The following NLK variants were observed in gnomAD, a reference collection of about 807,000 sequenced individuals.
NLK encodes nemo like kinase, also known as serine/threonine-protein kinase NLK.
In NLK, 11 loss-of-function variants were observed where a neutral mutation model predicts 59.0. That is an observed-to-expected ratio of 0.19 (90% CI 0.12 to 0.31). The LOEUF is 0.31. Ranked by LOEUF, NLK falls within the 10% of genes least tolerant of loss-of-function variation. NLK has a pLI of 1.00. For missense variants in NLK, 410 were observed against 661.1 expected, an observed-to-expected ratio of 0.62 and a Z score of 4.16; for synonymous variants, 235 against 235.9, an observed-to-expected ratio of 1.00 and a Z score of 0.03.
At chr17:28,046,342 A>T (rs1221151770) in intron 1 of NLK, among the ~76,000 whole-genome samples, 1 of 152,200 alleles carries the variant, frequency 6.6e-6, no homozygotes, top group East Asian at 1.9e-4. Context: ...AGTTCAATTA[A>T]GGTTTCATTA....
At chr17:28,141,156 A>C (rs1055588694) in intron 3 of NLK, among the ~76,000 whole-genome samples, 6 of 152,206 alleles carry the variant, frequency 3.9e-5, no homozygotes, top group African/African-American at 1.2e-4. Context: ...TCATCTATCT[A>C]GACAGAGGAG....
intron 3 of NLK, among the ~76,000 whole-genome samples, chr17:28,144,826 G>A (rs1193514890): frequency 6.6e-6 from 1 of 152,154 alleles, no homozygotes; most frequent in African/African-American, 2.4e-5. Context: ...TGCCATAATT[G>A]GAGGATATGG....
intron 7 of NLK, among the ~76,000 whole-genome samples, chr17:28,175,075 CA>C (rs1908620009): frequency 1.3e-5 from 2 of 150,628 alleles, no homozygotes; most frequent in African/African-American, 4.9e-5. Flanking sequence ...GACTTTTCTG[CA>C]AAATGTATAG....
At chr17:28,168,197 G>A (rs1018578590) in intron 5 of NLK, among the ~76,000 whole-genome samples, 5 of 151,422 alleles carry the variant, frequency 3.3e-5, no homozygotes, top group South Asian at 2.1e-4. Flanking sequence ...TTAGCCAGGC[G>A]TGGTGGTAGG....
At chr17:28,124,689 T>C (rs79133448) in intron 2 of NLK, among the ~76,000 whole-genome samples, 2,788 of 152,294 alleles carry the variant, frequency 0.018, 30 homozygotes, top group Non-Finnish European at 0.03. Context: ...CAGACCTTCT[T>C]TCATTGTCAG....
At chr17:28,173,529 G>A (rs567101793) in intron 7 of NLK, among the ~76,000 whole-genome samples, 1 of 152,290 alleles carries the variant, frequency 6.6e-6, no homozygotes, top group East Asian at 1.9e-4. Context: ...TGTTGTCACA[G>A]GCATAAAGGG....
At chr17:28,161,705 C>G (rs1289105321) in intron 4 of NLK, among the ~76,000 whole-genome samples, 1 of 152,148 alleles carries the variant, frequency 6.6e-6, no homozygotes, top group Non-Finnish European at 1.5e-5. Context: ...CTGAAGCCAA[C>G]TCCAGAGAAA....
intron 7 of NLK, among the ~76,000 whole-genome samples, chr17:28,180,521 A>T (rs1166785884): frequency 2.0e-5 from 3 of 152,226 alleles, no homozygotes; most frequent in African/African-American, 7.2e-5. Context: ...AGTTTAACAG[A>T]TGAGAAAGCC....
At position 28,123,391 on chromosome 17, in the gene NLK, A is replaced by G. The variant is rs536479552; in HGVS notation, c.588+659A>G. 5.9e-5 allele frequency among the ~76,000 whole-genome samples: 9 copies of G among 152,288 alleles called. No individual in the cohort carries two copies. The South Asian group carries it at 1.9e-3, about 32-fold the overall frequency. On this transcript the variant is annotated intron_variant, in intron 2 of 10. Coordinates refer to ENST00000407008, the MANE Select transcript of NLK (RefSeq NM_016231.5). ...TTGAGGGGCTTGGAAACCTGAGACA[A>G]ATTAGACCCTTTTTGTGACTGAACA... is the stretch of plus-strand genomic sequence containing the variant.
intron 1 of NLK, among the ~76,000 whole-genome samples, chr17:28,061,155 G>A (rs374973178): frequency 6.6e-6 from 1 of 152,190 alleles, no homozygotes; most frequent in East Asian, 1.9e-4. Context: ...GGGCCAGTTA[G>A]TTTTAAATAG....
At chr17:28,165,382 G>A (rs558817573) in intron 5 of NLK, among the ~76,000 whole-genome samples, 1 of 152,148 alleles carries the variant, frequency 6.6e-6, no homozygotes, top group South Asian at 2.1e-4. Context: ...TATAACCTTG[G>A]ACTGTATGAA....
rs35127887 is a variant in NLK at position 28,107,415 on chromosome 17, C to T, written c.459-15188C>T. On this transcript the variant is annotated intron_variant, in intron 1 of 10. Coordinates refer to ENST00000407008, the MANE Select transcript of NLK (RefSeq NM_016231.5). ...ACACCATTGCACTCCAGCTGGGCAA[C>T]GAGAGCGAAACTCTGTCTCAAAAAA... Among the ~76,000 whole-genome samples, 1,305 of 150,704 alleles carry T rather than the reference C, an allele frequency of 8.7e-3. 10 individuals are homozygous for T. The highest frequency in any genetic ancestry group is 0.013 in the Non-Finnish European group (883 of 67,758).
intron 3 of NLK, among the ~76,000 whole-genome samples, chr17:28,140,335 C>G (rs1906934391): frequency 6.6e-6 from 1 of 152,118 alleles, no homozygotes; most frequent in Non-Finnish European, 1.5e-5. Context: ...TGAAAAGGTT[C>G]TGGAAATGGA....
At chr17:28,183,921 T>C (rs576436451) in intron 7 of NLK, among the ~76,000 whole-genome samples, 1 of 152,232 alleles carries the variant, frequency 6.6e-6, no homozygotes, top group Non-Finnish European at 1.5e-5. Context: ...TCACCTTCCT[T>C]AATTCTGCCT....
chr17:28,202,764 C>T, the NLK span, among the ~76,000 whole-genome samples: 2 of 150,214 alleles, frequency 1.3e-5, no homozygotes, highest in Non-Finnish European at 2.9e-5. Flanking sequence ...CTCACTGCAA[C>T]CTCTGCCTCC....
the NLK span, among the ~76,000 whole-genome samples, chr17:28,204,665 C>A: frequency 6.6e-6 from 1 of 152,074 alleles, no homozygotes; most frequent in Non-Finnish European, 1.5e-5. Context: ...TCATGGAGCC[C>A]CCATTCTAGT....
At chr17:28,199,566 T>A (rs1449732838), downstream of NLK, among the ~76,000 whole-genome samples, 2 of 149,074 alleles carry the variant, frequency 1.3e-5, no homozygotes, top group Non-Finnish European at 3.0e-5. Context: ...CTCAGAAGAC[T>A]GCGGCAGGAG....
intron 7 of NLK, among the ~76,000 whole-genome samples, chr17:28,181,409 GAAAC>G (rs911993561): frequency 6.7e-6 from 1 of 150,138 alleles, no homozygotes; most frequent in African/African-American, 2.4e-5. Context: ...CCTCAAAAAA[GAAAC>G]AAAAAAAAAG....
At chr17:28,154,946 C>T (rs1369562498) in intron 3 of NLK, among the ~76,000 whole-genome samples, 2 of 152,050 alleles carry the variant, frequency 1.3e-5, no homozygotes, top group South Asian at 2.1e-4. Context: ...GCATGAGGAT[C>T]GCTTGAACCT....
Sources: allele counts gnomAD v4.1 joint callset (sites outside exome capture counted in the v4.1 genomes callset), GRCh38; gene constraint gnomAD v4.1.1; transcripts MANE v1.5; gene names NCBI Gene and HGNC (gene_info 2026-07-23, HGNC 2026-07-21).